CRAMP1: variants seen among roughly 807,000 people sequenced by gnomAD.
CRAMP1 encodes the protein protein cramped-like.
Under a neutral mutation model 115.4 loss-of-function variants are expected in CRAMP1, and 50 were observed. The observed-to-expected ratio is 0.43, with a 90% CI of 0.35 to 0.55. The LOEUF (loss-of-function observed/expected upper bound fraction) is 0.55, where lower values mean the gene tolerates loss of function less well. Among genes scored for constraint, CRAMP1 ranks in the 20% least tolerant of loss-of-function variants. CRAMP1 has a pLI of 0.01. For missense variants in CRAMP1, 1,679 were observed against 1,721.7 expected (o/e 0.98, Z 0.44); for synonymous variants, 866 against 745.4 (o/e 1.16, Z -2.64).
intron 6 of CRAMP1, among the ~76,000 whole-genome samples, chr16:1,647,796 T>TAG (rs1355730688): frequency 7.7e-6 from 1 of 130,194 alleles, no homozygotes; most frequent in East Asian, 2.4e-4. Context: ...GGGGTGTAAA[T>TAG]AGAGCCTCTG....
At chr16:1,621,307 A>C (rs532737414) in intron 2 of CRAMP1, among the ~76,000 whole-genome samples, 1 of 152,324 alleles carries the variant, frequency 6.6e-6, no homozygotes, top group Non-Finnish European at 1.5e-5. Flanking sequence ...AGCAGCTGGG[A>C]GGGTGCGCTG....
Position 1,674,347 on chromosome 16 carries a change from A to G in CRAMP1, c.*302A>G. On this transcript the variant is annotated 3_prime_UTR_variant, in exon 21 of 21. Transcript: ENST00000397412. Reference sequence around the variant, plus strand: ...CCATTTCAGCCTGTGCTCTGCCTCGATTGTTGTGTTGGACATTCCGGTGGC... The same window carrying G: ...CCATTTCAGCCTGTGCTCTGCCTCGGTTGTTGTGTTGGACATTCCGGTGGC... The G allele has an allele frequency of 2.7e-6, 1 of 376,336 alleles. No individual in the cohort carries two copies. The highest frequency in any genetic ancestry group is 4.9e-6 in the Non-Finnish European group (1 of 204,848). The allele number at this position is 376,336 out of a possible 1,614,324, so 23.3% of individuals were successfully genotyped here.
In CRAMP1 at chr16:1,635,804, C is replaced by G. The variant is rs111646895; in HGVS notation, c.695-2020C>G. ...AATATGTCCATTGCCCAGGAGGAAA[C>G]CCTGTGCCCCGGTGCTGGGAGCCCT... is the stretch of plus-strand genomic sequence containing the variant. On this transcript the variant is annotated intron_variant, in intron 4 of 20. Coordinates refer to ENST00000397412, the MANE Select transcript of CRAMP1 (RefSeq NM_020825.4). Among the ~76,000 whole-genome samples the G allele has an allele frequency of 1.8e-4, 27 of 152,188 alleles. 1 individual carries two copies. The highest frequency in any genetic ancestry group is 3.4e-4 in the Non-Finnish European group (23 of 68,026).
intron 9 of CRAMP1, 93 bp from the exon 10 acceptor site, chr16:1,655,784 G>T (rs2036766037): frequency 2.9e-6 from 4 of 1,400,678 alleles, no homozygotes; most frequent in African/African-American, 2.8e-5. Flanking sequence ...GGGGATGCCA[G>T]TGGGGAGCGT....
intron 2 of CRAMP1, among the ~76,000 whole-genome samples, chr16:1,625,048 T>G (rs2036497909): frequency 1.3e-5 from 2 of 152,148 alleles, no homozygotes; most frequent in African/African-American, 4.8e-5. Context: ...TTTAAAGCAT[T>G]TTTGTTTCAG....
intron 6 of CRAMP1, among the ~76,000 whole-genome samples, chr16:1,644,713 G>T (rs1021034248): frequency 2.0e-5 from 3 of 152,170 alleles, no homozygotes; most frequent in African/African-American, 7.2e-5. Flanking sequence ...CAGAGCTGAG[G>T]CTGGAGGGCT....
In CRAMP1 at chr16:1,670,718, C is replaced by T. The variant is rs376262203; in HGVS notation, c.3554C>T (p.Thr1185Ile). ...SRKMLPTPIGTNSGTSLLGPS... is the reference protein window; with the variant it reads ...SRKMLPTPIGINSGTSLLGPS... ...AAGATGTTGCCGACTCCCATTGGGA[C>T]CAACAGTGGCACTTCCTTGCTTGGC... Residue 1185 changes from threonine (T) to isoleucine (I), a missense_variant, in exon 20 of 21, where the codon ACC becomes ATC. Transcript: ENST00000397412. 1.2e-6 allele frequency: 2 copies of T among 1,613,850 alleles called. No individual in the cohort carries two copies. Among genetic ancestry groups the T allele is most frequent in the African/African-American group, 1.3e-5 (1 of 74,916 alleles).
chr16:1,657,083 C>A, intron 10 of CRAMP1, 91 bp downstream of exon 10: 1 of 1,181,542 alleles, frequency 8.5e-7, no homozygotes, highest in Non-Finnish European at 1.1e-6. Context: ...AGGGCCAGCA[C>A]GGTTGGGGTC....
In CRAMP1 at chr16:1,646,720, C is replaced by A. The variant is rs201563745; in HGVS notation, c.827+5533C>A. Reference sequence around the variant, plus strand: ...ATGGTTTATGCTTTTAATATGACATCTAAGAACTCTTTGCCTAACCCAAGG... The same window carrying A: ...ATGGTTTATGCTTTTAATATGACATATAAGAACTCTTTGCCTAACCCAAGG... On this transcript the variant is annotated intron_variant, in intron 6 of 20. Transcript: ENST00000397412. 2.6e-4 allele frequency among the ~76,000 whole-genome samples: 39 copies of A among 152,336 alleles called. 1 individual carries two copies. In the East Asian group the frequency reaches 7.1e-3, roughly 28 times the overall value.
At chr16:1,654,303 C>T (rs546084076) in intron 8 of CRAMP1, among the ~76,000 whole-genome samples, 1 of 151,582 alleles carries the variant, frequency 6.6e-6, no homozygotes, top group Admixed American at 6.6e-5. Flanking sequence ...CCTCCGTCTC[C>T]CACGTTTAAG....
In CRAMP1 at chr16:1,672,525, C is replaced by T. The variant is rs1425640114; in HGVS notation, c.3646-1356C>T. On this transcript the variant is annotated intron_variant, in intron 20 of 20. Transcript: ENST00000397412. This position sits in a 1 kb window ranked among gnomAD's most constrained non-coding sequence, Gnocchi z 4.9. ...CGGGTGGGAGCTGCTGATGGACATA[C>T]AGGGGAAGGAGAATTACTCTTTGCT... Among the ~76,000 whole-genome samples, 1 of 152,100 alleles carries T rather than the reference C, an allele frequency of 6.6e-6. No homozygotes were observed.
At chr16:1,631,283 A>G (rs978909402) in intron 3 of CRAMP1, among the ~76,000 whole-genome samples, 9 of 152,186 alleles carry the variant, frequency 5.9e-5, no homozygotes, top group African/African-American at 1.9e-4. Flanking sequence ...CCACCATGCC[A>G]TTGTCGGCTT....
Position 1,656,186 on chromosome 16 carries a change from C to G in CRAMP1, c.1429C>G (p.Pro477Ala), listed in dbSNP as rs557671601. Reference sequence around the variant, plus strand: ...TGAGGGCAAGGGTGTGGGGCGGCCCCCTCCTGCGGCTGACGCCTTGCAGAG... The same window carrying G: ...TGAGGGCAAGGGTGTGGGGCGGCCCGCTCCTGCGGCTGACGCCTTGCAGAG... ...GAEGKGVGRP[P>A]PAADALQSSG... is the part of the protein sequence containing the mutation. The change falls in exon 10 of 21, where the codon CCT (proline) becomes GCT (alanine). Residue 477 changes from proline to alanine, a missense_variant. Pro to Ala is a conservative substitution (Grantham distance 27). Transcript: ENST00000397412. This position sits in a 1 kb window ranked among gnomAD's most constrained non-coding sequence, Gnocchi z 5.6. 2 of 1,602,014 alleles carry G rather than the reference C, an allele frequency of 1.2e-6. No homozygotes were observed. Among genetic ancestry groups the G allele is most frequent in the South Asian group, 2.2e-5 (2 of 90,620 alleles).
At position 1,677,733 on chromosome 16, in the gene CRAMP1, T is replaced by C. The variant is rs1474464871; in HGVS notation, c.*3688T>C. 1 of 152,692 alleles carries C rather than the reference T, an allele frequency of 6.5e-6. No individual in the cohort carries two copies. Among genetic ancestry groups the C allele is most frequent in the Non-Finnish European group, 1.5e-5 (1 of 68,044 alleles). 9.5% of individuals were successfully genotyped at this position (152,692 alleles called of 1,614,324 possible). ...ATGTATAAAGCAGAATGCCTGCCTTTCCTGGTTATTTTTTGTACCATATTG... is the reference window on the plus strand; with the variant it reads ...ATGTATAAAGCAGAATGCCTGCCTTCCCTGGTTATTTTTTGTACCATATTG... On this transcript the variant is annotated 3_prime_UTR_variant, in exon 21 of 21. Coordinates refer to ENST00000397412, the MANE Select transcript of CRAMP1 (RefSeq NM_020825.4).
intron 4 of CRAMP1, among the ~76,000 whole-genome samples, chr16:1,636,381 AAAAG>A (rs1344965915): frequency 1.6e-4 from 25 of 152,038 alleles, no homozygotes; most frequent in Middle Eastern, 3.4e-3. Flanking sequence ...CAAAAAAAAA[AAAAG>A]AAAGAAAGAA....
In CRAMP1 at chr16:1,668,035, C is replaced by T. The variant is rs1318740949; in HGVS notation, c.3176C>T (p.Ser1059Leu). ...LQNGLSIPLSSSESSSTRLSP... is the reference protein window; with the variant it reads ...LQNGLSIPLSLSESSSTRLSP... ...AATGGCCTCTCCATACCGCTGTCCT[C>T]GTCAGAGAGCTCCAGCACCCGGCTG... is the stretch of plus-strand genomic sequence containing the variant. The change falls in exon 18 of 21, where the codon TCG (serine) becomes TTG (leucine). Residue 1059 changes from serine to leucine, a missense_variant. Physicochemically the swap from Ser to Leu is moderately radical, Grantham distance 145. Coordinates refer to ENST00000397412, the MANE Select transcript of CRAMP1 (RefSeq NM_020825.4). 1.1e-5 allele frequency: 17 copies of T among 1,613,782 alleles called. No individual in the cohort carries two copies. The highest frequency in any genetic ancestry group is 6.6e-5 in the South Asian group (6 of 91,084).
intron 4 of CRAMP1, among the ~76,000 whole-genome samples, chr16:1,633,861 A>G (rs1011863225): frequency 5.3e-5 from 8 of 152,148 alleles, no homozygotes; most frequent in African/African-American, 1.9e-4. Context: ...CGAGGTCAAG[A>G]GATCAAGACC....
chr16:1,668,935 G>A lies in CRAMP1; in HGVS notation c.3335-66G>A, dbSNP rs2036898816. 6.0e-6 allele frequency: 9 copies of A among 1,503,970 alleles called. No individual in the cohort carries two copies. The East Asian group carries it at 1.8e-4, about 31-fold the overall frequency. 93.2% of individuals were successfully genotyped at this position (1,503,970 alleles called of 1,614,324 possible). A position where few individuals can be genotyped will look rare whatever the true frequency, so the allele number is the denominator to read the frequency against. The stretch of plus-strand genomic sequence containing the variant: ...CCTGCTGCCTTCTCCGTGGTGGGCT[G>A]GAGAAGTGAGTTGCTGTTCACCACC... On this transcript the variant is annotated intron_variant, in intron 18 of 20. Coordinates refer to ENST00000397412, the MANE Select transcript of CRAMP1 (RefSeq NM_020825.4).
chr16:1,663,036 A>C (rs1442034956), intron 13 of CRAMP1, among the ~76,000 whole-genome samples: 4 of 152,266 alleles, frequency 2.6e-5, no homozygotes, highest in Non-Finnish European at 4.4e-5. Context: ...TTTCAATAAC[A>C]TGGAAATCCA....
Sources: gnomAD v4.1 joint callset for allele counts (sites outside exome capture counted in the v4.1 genomes callset) on GRCh38, gnomAD v4.1.1 for gene constraint, Gnocchi (gnomAD v3.1) non-coding constraint, MANE v1.5 for transcripts, NCBI Gene and HGNC (gene_info 2026-07-23, HGNC 2026-07-21) for gene names.